Variants in PPL observed in about 807,000 individuals in gnomAD.
PPL encodes 190 kDa paraneoplastic pemphigus antigen.
A neutral mutation model predicts 194.4 loss-of-function variants in PPL; 198 were observed. The observed-to-expected ratio is 1.02, with a 90% confidence interval of 0.91 to 1.15. The LOEUF (loss-of-function observed/expected upper bound fraction) is 1.15. Ranked by LOEUF, PPL falls within the 50% of genes most tolerant of loss-of-function variation. PPL has a pLI of 0.00. For synonymous variants in PPL, 1,220 were observed against 972.4 expected, an observed-to-expected ratio of 1.25 and a Z score of -4.74; for missense variants, 2,885 against 2,294.8, an observed-to-expected ratio of 1.26 and a Z score of -5.25.
chr16:4,893,594 C>T lies in PPL; in HGVS notation c.1439G>A (p.Ser480Asn). The change falls in exon 13 of 22, where the codon AGC (serine) becomes AAC (asparagine). Residue 480 changes from serine (S) to asparagine (N), a missense_variant. By Grantham distance (46) the Ser-to-Asn change is conservative. Coordinates refer to ENST00000345988, the MANE Select transcript of PPL (RefSeq NM_002705.5). Reference protein sequence around the residue: ...YRSVRQKAAGSKRTLQQRYEV... With the variant: ...YRSVRQKAAGNKRTLQQRYEV... ...ATACCGCTGCTGCAGCGTGCGTTTGCTCCCAGCTGCCTTCTGCCGCACGCT... is the reference window on the plus strand; with the variant it reads ...ATACCGCTGCTGCAGCGTGCGTTTGTTCCCAGCTGCCTTCTGCCGCACGCT... 1 of 1,610,510 alleles carries T rather than the reference C, an allele frequency of 6.2e-7. No individual in the cohort carries two copies. Among genetic ancestry groups the T allele is most frequent in the Non-Finnish European group, 8.5e-7 (1 of 1,179,424 alleles).
intron 1 of PPL, among the ~76,000 whole-genome samples, chr16:4,918,405 T>C (rs1307916000): frequency 6.6e-6 from 1 of 152,074 alleles, no homozygotes; most frequent in Non-Finnish European, 1.5e-5. Flanking sequence ...CAGCTGCAGG[T>C]AATCCCCCAG....
chr16:4,911,621 A>G (rs542771428), intron 1 of PPL, among the ~76,000 whole-genome samples: 4 of 152,106 alleles, frequency 2.6e-5, no homozygotes, highest in East Asian at 3.9e-4. Flanking sequence ...TGCAGCCTCT[A>G]TCTCCCAGGC....
chr16:4,904,131 G>T lies in PPL; in HGVS notation c.163-91C>A, dbSNP rs2088634764. 31 of 1,366,170 alleles carry T rather than the reference G, an allele frequency of 2.3e-5. No homozygotes were observed. In the South Asian group the frequency reaches 3.8e-4, roughly 17 times the overall value. 84.6% of individuals were successfully genotyped at this position (1,366,170 alleles called of 1,614,324 possible). A position where few individuals can be genotyped will look rare whatever the true frequency, so the allele number is the denominator to read the frequency against. On this transcript the variant is annotated intron_variant, in intron 2 of 21. Transcript: ENST00000345988. ...GGGTGGGAGGAAAGGGGTCAGCAGG[G>T]TGCTCCCCTTCTTTCCCTTTGAATA...
At chr16:4,888,889 C>T in intron 19 of PPL, 89 bp downstream of exon 19, 2 of 1,319,448 alleles carry the variant, frequency 1.5e-6, no homozygotes, top group Non-Finnish European at 2.2e-6. Flanking sequence ...CCCCATGTGC[C>T]AGGGCCGGTG....
chr16:4,926,671 T>C (rs1392825836), intron 1 of PPL, among the ~76,000 whole-genome samples: 1 of 151,944 alleles, frequency 6.6e-6, no homozygotes, highest in Non-Finnish European at 1.5e-5. Flanking sequence ...GTCAGGAGAT[T>C]GAGACCATCC....
rs2088380277 is a variant in PPL, at chr16:4,894,472, A to G, written c.1389T>C (p.Ala463=). ...TCCCGCCTTTGCCCTTGTACCTGTC[A>G]GCCAGAGCCAGGGCCTCAGGGTCTG... is the stretch of plus-strand genomic sequence containing the variant. ...PPTDPEALAL[A]DSLGSQYRSV... The change falls in exon 12 of 22, where the codon GCT becomes GCC. Residue 463 remains alanine (A), a synonymous_variant. Coordinates refer to ENST00000345988, the MANE Select transcript of PPL (RefSeq NM_002705.5). 1.5e-5 allele frequency: 24 copies of G among 1,613,816 alleles called. No individual in the cohort carries two copies. Among genetic ancestry groups the G allele is most frequent in the Non-Finnish European group, 2.0e-5 (24 of 1,179,948 alleles).
At chr16:4,928,360 T>C (rs1455164378) in intron 1 of PPL, among the ~76,000 whole-genome samples, 1 of 152,236 alleles carries the variant, frequency 6.6e-6, no homozygotes, top group Non-Finnish European at 1.5e-5. Flanking sequence ...TGGGCCACTG[T>C]GCCCGGCCAT....
intron 16 of PPL, 154 bp downstream of exon 16, chr16:4,891,657 G>T: frequency 1.1e-6 from 1 of 898,082 alleles, no homozygotes; most frequent in Non-Finnish European, 1.7e-6. Context: ...TTGGATTTGT[G>T]CTGTGGGCCT....
intron 1 of PPL, among the ~76,000 whole-genome samples, chr16:4,919,071 C>T (rs895750848): frequency 6.6e-6 from 1 of 152,164 alleles, no homozygotes; most frequent in African/African-American, 2.4e-5. Context: ...CCCCCCTCCC[C>T]ACACACACAC....
At chr16:4,929,038 AAAAAAG>A (rs2089194968) in intron 1 of PPL, among the ~76,000 whole-genome samples, 4 of 149,424 alleles carry the variant, frequency 2.7e-5, no homozygotes, top group Non-Finnish European at 5.9e-5. Flanking sequence ...AAAAAAAAAA[AAAAAAG>A]ATCTGCCGAG....
At chr16:4,911,156 CTTTTTTTTTTTTTT>C (rs34229581) in intron 1 of PPL, among the ~76,000 whole-genome samples, 2 of 85,888 alleles carry the variant, frequency 2.3e-5, no homozygotes, top group East Asian at 3.8e-4. Flanking sequence ...GGTCAGCCTC[CTTTTTTTTTTTTTT>C]TTTTTTTTTG....
chr16:4,936,940 A>G, intron 1 of PPL, 44 bp downstream of exon 1: 1 of 1,556,676 alleles, frequency 6.4e-7, no homozygotes. Context: ...GTGCGCCCAC[A>G]GGGGCAAGAG....
intron 1 of PPL, among the ~76,000 whole-genome samples, chr16:4,925,015 C>T (rs1379253478): frequency 6.6e-6 from 1 of 152,242 alleles, no homozygotes; most frequent in Non-Finnish European, 1.5e-5. Flanking sequence ...GCACTCCCTG[C>T]CTGGCCAGGG....
chr16:4,908,021 G>C (rs2088731912), intron 2 of PPL, among the ~76,000 whole-genome samples: 1 of 151,750 alleles, frequency 6.6e-6, no homozygotes, highest in Non-Finnish European at 1.5e-5. Flanking sequence ...AATTAGCTGG[G>C]CGTGGTGGTG....
chr16:4,904,426 C>G (rs2088641037), intron 2 of PPL, among the ~76,000 whole-genome samples: 1 of 152,142 alleles, frequency 6.6e-6, no homozygotes, highest in South Asian at 2.1e-4. Context: ...GGATGAGCCT[C>G]ATGGAGGTGA....
At position 4,884,962 on chromosome 16, in the gene PPL, C is replaced by T. The variant is rs201985878; in HGVS notation, c.3693G>A (p.Val1231=). The change falls in exon 22 of 22, where the codon GTG becomes GTA. Residue 1231 remains valine, a synonymous_variant. Coordinates refer to ENST00000345988, the MANE Select transcript of PPL (RefSeq NM_002705.5). This position sits in a 1 kb window ranked among gnomAD's most constrained non-coding sequence, Gnocchi z 5.7. ...RRGPQVEVKE[V]TKEVIKYKTD... ...TCTTGTACTTAATGACTTCCTTAGT[C>T]ACCTCTTTGACTTCCACCTGGGGGC... The T allele has an allele frequency of 9.9e-6, 16 of 1,614,038 alleles. No individual in the cohort carries two copies. Among genetic ancestry groups the T allele is most frequent in the Non-Finnish European group, 1.4e-5 (16 of 1,180,036 alleles).
Position 4,884,548 on chromosome 16 carries a change from G to T in PPL, c.4107C>A (p.Ser1369Arg). Residue 1369 changes from serine to arginine, a missense_variant, in exon 22 of 22, where the codon AGC becomes AGA. By Grantham distance (110) the Ser-to-Arg change is moderately radical. Transcript: ENST00000345988. This position sits in a 1 kb window ranked among gnomAD's most constrained non-coding sequence, Gnocchi z 5.7. ...EEEPGLRAEA[S>R]AFAESIDVEL... The stretch of plus-strand genomic sequence containing the variant: ...CCACATCGATGCTCTCGGCAAAGGC[G>T]CTCGCCTCGGCCCGCAGGCCTGGCT... 1 of 1,612,842 alleles carries T rather than the reference G, an allele frequency of 6.2e-7. No homozygotes were observed.
chr16:4,907,122 C>T (rs1046694813), intron 2 of PPL, among the ~76,000 whole-genome samples: 15 of 147,112 alleles, frequency 1.0e-4, no homozygotes, highest in African/African-American at 3.8e-4. Context: ...ATGAGCCAGG[C>T]ATAGTAGCAT....
At position 4,885,475 on chromosome 16, in the gene PPL, C is replaced by T. The variant is rs201367016; in HGVS notation, c.3180G>A (p.Leu1060=). The change falls in exon 22 of 22, where the codon CTG becomes CTA. Residue 1060 remains leucine, a synonymous_variant. Transcript: ENST00000345988. The surrounding 1 kb of genome is among the most constrained non-coding windows in gnomAD (Gnocchi z 6.3). Reference sequence around the variant, plus strand: ...CTGCCTCCAGCTGGGGGTCATTCTGCAGTTTCACCACCTCTTTCTCTGTGA... The same window carrying T: ...CTGCCTCCAGCTGGGGGTCATTCTGTAGTTTCACCACCTCTTTCTCTGTGA... The part of the protein sequence containing the change: ...EKVTEKEVVK[L]QNDPQLEAEY... The T allele has an allele frequency of 2.4e-5, 39 of 1,612,418 alleles. No homozygotes were observed. The highest frequency in any genetic ancestry group is 1.6e-4 in the South Asian group (15 of 91,070).
Sources: allele counts gnomAD v4.1 joint callset (sites outside exome capture counted in the v4.1 genomes callset), GRCh38; gene constraint gnomAD v4.1.1; non-coding constraint Gnocchi (gnomAD v3.1); transcripts MANE v1.5; gene names NCBI Gene and HGNC (gene_info 2026-07-23, HGNC 2026-07-21).